LTBP1: variants seen among roughly 807,000 people sequenced by gnomAD.
LTBP1 encodes latent transforming growth factor beta binding protein 1.
LTBP1 carries 129 observed loss-of-function variants against 207.6 expected under a neutral mutation model. The ratio of observed to expected loss-of-function variants is 0.62; its 90% confidence interval spans 0.54 to 0.72. The LOEUF is 0.72. Among genes scored for constraint, LTBP1 ranks in the 30% least tolerant of loss-of-function variants. The pLI is 0.00. For missense variants in LTBP1, 2,281 were observed against 2,217.2 expected, an observed-to-expected ratio of 1.03 and a Z score of -0.58; for synonymous variants, 963 against 833.7, an observed-to-expected ratio of 1.16 and a Z score of -2.67.
chr2:33,170,508 G>A (rs920115154), intron 5 of LTBP1, among the ~76,000 whole-genome samples: 7 of 152,350 alleles, frequency 4.6e-5, no homozygotes, highest in Admixed American at 2.6e-4. Context: ...CTGGAAGCTC[G>A]AACTGGGTGG....
chr2:32,988,931 C>T (rs938056050), intron 2 of LTBP1, among the ~76,000 whole-genome samples: 2 of 139,544 alleles, frequency 1.4e-5, no homozygotes, highest in Non-Finnish European at 3.2e-5. Context: ...AATGCTTAGA[C>T]CTCTTTTTTT....
intron 3 of LTBP1, among the ~76,000 whole-genome samples, chr2:33,075,003 A>G (rs1253532836): frequency 6.6e-6 from 1 of 152,192 alleles, no homozygotes; most frequent in South Asian, 2.1e-4. Context: ...GTGAGCTGAG[A>G]TCACACCACT....
chr2:33,104,374 A>G (rs2079932065), intron 3 of LTBP1, among the ~76,000 whole-genome samples: 1 of 152,130 alleles, frequency 6.6e-6, no homozygotes, highest in Admixed American at 6.5e-5. Context: ...GTATCTCCCC[A>G]TCACATAATA....
chr2:33,301,921 G>C (rs1363805561), intron 22 of LTBP1, among the ~76,000 whole-genome samples: 2 of 151,998 alleles, frequency 1.3e-5, no homozygotes, highest in Non-Finnish European at 2.9e-5. Context: ...GTTTATCCTG[G>C]GTACATAGTT....
In LTBP1 at chr2:33,240,728, C is replaced by G. The variant is rs575468730; in HGVS notation, c.1877-2934C>G. On this transcript the variant is annotated intron_variant, in intron 9 of 33. Transcript: ENST00000404816. ...TGCAGTGGCGCGATCTCGGCTCACT[C>G]CAAGCTCCACCTCTCAGGTTCACGC... Among the ~76,000 whole-genome samples the G allele has an allele frequency of 1.7e-4, 25 of 148,212 alleles. No individual in the cohort carries two copies. The East Asian group carries it at 4.6e-3, about 27-fold the overall frequency.
chr2:33,366,472 A>G (rs1265446539), intron 31 of LTBP1, among the ~76,000 whole-genome samples: 1 of 152,248 alleles, frequency 6.6e-6, no homozygotes, highest in Non-Finnish European at 1.5e-5. Flanking sequence ...CCAACGTAGC[A>G]TGAAAGAGAA....
chr2:33,315,090 A>G (rs995451362), intron 23 of LTBP1, 54 bp from the exon 24 acceptor site: 17 of 1,444,288 alleles, frequency 1.2e-5, no homozygotes, highest in Non-Finnish European at 1.4e-5. Context: ...TTGATAGTAT[A>G]TGGGAATGAA....
At chr2:33,001,039 C>T (rs1043870808) in intron 2 of LTBP1, among the ~76,000 whole-genome samples, 3 of 134,836 alleles carry the variant, frequency 2.2e-5, no homozygotes, top group Admixed American at 7.6e-5. Flanking sequence ...GACAGCCTCT[C>T]GCCCTTGTGA....
chr2:33,015,986 C>G (rs1688323010), intron 2 of LTBP1, among the ~76,000 whole-genome samples: 1 of 152,124 alleles, frequency 6.6e-6, no homozygotes, highest in African/African-American at 2.4e-5. Context: ...CCAGTCACCT[C>G]CCACCAGGCC....
At chr2:33,062,383 A>G (rs1441360624) in intron 3 of LTBP1, among the ~76,000 whole-genome samples, 1 of 152,146 alleles carries the variant, frequency 6.6e-6, no homozygotes, top group African/African-American at 2.4e-5. Context: ...CTCAAATTAT[A>G]AAGATATTTT....
chr2:32,991,586 G>A (rs1449540135), intron 2 of LTBP1, among the ~76,000 whole-genome samples: 1 of 152,212 alleles, frequency 6.6e-6, no homozygotes, highest in Non-Finnish European at 1.5e-5. Flanking sequence ...GTGATACATT[G>A]ATGCTTGGTT....
intron 4 of LTBP1, among the ~76,000 whole-genome samples, chr2:33,118,486 C>G (rs2080905776): frequency 6.6e-6 from 1 of 152,230 alleles, no homozygotes; most frequent in African/African-American, 2.4e-5. Context: ...GAACCTTGAG[C>G]CAGTTTCCCA....
At chr2:33,241,951 C>T (rs1172224692) in intron 9 of LTBP1, among the ~76,000 whole-genome samples, 1 of 152,216 alleles carries the variant, frequency 6.6e-6, no homozygotes, top group Non-Finnish European at 1.5e-5. Flanking sequence ...TGGTCAGGTG[C>T]TGTACTGTGT....
chr2:33,146,532 C>T (rs1337829029), intron 5 of LTBP1, among the ~76,000 whole-genome samples: 1 of 152,112 alleles, frequency 6.6e-6, no homozygotes, highest in Non-Finnish European at 1.5e-5. Flanking sequence ...GAATGGATTC[C>T]TCATTGATCA....
intron 31 of LTBP1, among the ~76,000 whole-genome samples, chr2:33,370,703 C>A (rs892103847): frequency 1.9e-4 from 29 of 152,144 alleles, no homozygotes; most frequent in African/African-American, 6.8e-4. Flanking sequence ...TTGAGAAGGA[C>A]CACGTTGTCT....
At chr2:33,289,509 A>T (rs1216965274) in intron 19 of LTBP1, among the ~76,000 whole-genome samples, 1 of 151,934 alleles carries the variant, frequency 6.6e-6, no homozygotes, top group Non-Finnish European at 1.5e-5. Context: ...ACAGGCACGC[A>T]CCACCACACT....
intron 3 of LTBP1, among the ~76,000 whole-genome samples, chr2:33,097,279 T>G (rs2079450347): frequency 6.6e-6 from 1 of 152,194 alleles, no homozygotes. Flanking sequence ...ATTAATAATA[T>G]AAAGCATCCT....
At chr2:33,238,353 T>TTTG (rs2092149952) in intron 9 of LTBP1, among the ~76,000 whole-genome samples, 1 of 152,194 alleles carries the variant, frequency 6.6e-6, no homozygotes, top group African/African-American at 2.4e-5. Flanking sequence ...ACTCACTTTG[T>TTTG]TAAACATACA....
chr2:33,375,558 C>A (rs976424195), intron 31 of LTBP1, among the ~76,000 whole-genome samples: 21 of 151,914 alleles, frequency 1.4e-4, no homozygotes, highest in Non-Finnish European at 2.4e-4. Flanking sequence ...GACGGAGTCT[C>A]GCTCTGTCGC....
Sources: gnomAD v4.1 joint callset for allele counts (sites outside exome capture counted in the v4.1 genomes callset) on GRCh38, gnomAD v4.1.1 for gene constraint, MANE v1.5 for transcripts, NCBI Gene and HGNC (gene_info 2026-07-23, HGNC 2026-07-21) for gene names.